The following RAPGEF6 variants were observed in gnomAD, a reference collection of about 807,000 sequenced individuals.
RAPGEF6 encodes Rap guanine nucleotide exchange factor 6, also known as PDZ domain containing guanine nucleotide exchange factor (GEF) 2.
Under a neutral mutation model 171.4 loss-of-function variants are expected in RAPGEF6, and 56 were observed. The observed-to-expected ratio is 0.33, with a 90% confidence interval of 0.26 to 0.41. RAPGEF6 has a LOEUF of 0.41. Among genes scored for constraint, RAPGEF6 ranks in the 10% least tolerant of loss-of-function variants. RAPGEF6 has a pLI of 1.00. For missense variants in RAPGEF6, 1,674 were observed against 1,921.4 expected (o/e 0.87, Z 2.41); for synonymous variants, 692 against 650.1 (o/e 1.06, Z -0.98).
rs115895151 is a variant in RAPGEF6, at chr5:131,603,714, A to G, written c.141-387T>C. Among the ~76,000 whole-genome samples the G allele has an allele frequency of 6.6e-3, 1,009 of 152,238 alleles. 5 individuals carry two copies. Among genetic ancestry groups the G allele is most frequent in the Non-Finnish European group, 0.011 (739 of 67,962 alleles). ...AAAAAAATTGCTGAATATATAAATC[A>G]GTTTGCAATAAAAAATATTTTGAGT... On this transcript the variant is annotated intron_variant, in intron 2 of 27. Coordinates refer to ENST00000509018, the MANE Select transcript of RAPGEF6 (RefSeq NM_016340.6).
intron 4 of RAPGEF6, among the ~76,000 whole-genome samples, chr5:131,591,163 G>A (rs1048940939): frequency 1.1e-4 from 16 of 152,088 alleles, no homozygotes; most frequent in Non-Finnish European, 1.6e-4. Flanking sequence ...TGATATTTAT[G>A]TTAAATAGTT....
intron 6 of RAPGEF6, among the ~76,000 whole-genome samples, chr5:131,526,207 T>C (rs769700887): frequency 3.9e-5 from 6 of 152,216 alleles, no homozygotes; most frequent in Non-Finnish European, 8.8e-5. Flanking sequence ...GAAAACTTCA[T>C]ACAGGAATTC....
chr5:131,427,975 T>C (rs921615821), intron 27 of RAPGEF6, among the ~76,000 whole-genome samples: 1 of 151,874 alleles, frequency 6.6e-6, no homozygotes, highest in African/African-American at 2.4e-5. Flanking sequence ...TGGTGGTGTG[T>C]GCCTGTAGTC....
chr5:131,548,780 ACT>A (rs1172413992), intron 5 of RAPGEF6, among the ~76,000 whole-genome samples: 3 of 152,340 alleles, frequency 2.0e-5, no homozygotes, highest in Non-Finnish European at 4.4e-5. Flanking sequence ...AGCAGGTATT[ACT>A]GTCTCTACTT....
chr5:131,456,296 T>C (rs1753493836), intron 19 of RAPGEF6, among the ~76,000 whole-genome samples: 1 of 152,144 alleles, frequency 6.6e-6, no homozygotes, highest in African/African-American at 2.4e-5. Flanking sequence ...AATATACATT[T>C]AAATTAAAAA....
chr5:131,429,005 C>T lies in RAPGEF6; in HGVS notation c.4677G>A (p.Val1559=), dbSNP rs781653809. 3 of 1,614,022 alleles carry T rather than the reference C, an allele frequency of 1.9e-6. No individual in the cohort carries two copies. The highest frequency in any genetic ancestry group is 3.3e-5 in the Admixed American group (2 of 59,992). Residue 1559 remains valine (V), a synonymous_variant, in exon 27 of 28, where the codon GTG becomes GTA. Transcript: ENST00000509018. ...TTACAATCTTCGATGGAACACAGGC[C>T]ACGAGGTTGCTACTGAGAGAAGCTG... ...LPPASLSSNL[V]ACVPSKIVTQ...
intron 1 of RAPGEF6, among the ~76,000 whole-genome samples, chr5:131,633,549 G>A (rs1434654386): frequency 1.3e-5 from 2 of 151,906 alleles, no homozygotes; most frequent in Non-Finnish European, 2.9e-5. Flanking sequence ...GGGCAATATG[G>A]TGCAACCCCG....
Position 131,479,754 on chromosome 5 carries a change from CTG to C in RAPGEF6, c.1841-3_1841-2del. On this transcript the variant is annotated splice_acceptor_variant and splice_polypyrimidine_tract_variant and intron_variant, in intron 15 of 27. Transcript: ENST00000509018. LOFTEE classifies it high-confidence loss of function. ...GTCCTAAAAAGTAACTCTTTGAACA[CTG>C]TGGAAATAAAACAAATGCGTCATTT... 2 of 1,603,392 alleles carry C rather than the reference CTG, an allele frequency of 1.2e-6. No individual in the cohort carries two copies. The highest frequency in any genetic ancestry group is 1.3e-5 in the African/African-American group (1 of 74,408).
At chr5:131,531,149 G>A (rs962952822) in intron 6 of RAPGEF6, among the ~76,000 whole-genome samples, 3 of 152,104 alleles carry the variant, frequency 2.0e-5, no homozygotes, top group African/African-American at 7.2e-5. Flanking sequence ...AAAACACCAC[G>A]ATGCTATCAT....
chr5:131,442,051 T>C (rs1752417816), intron 23 of RAPGEF6, among the ~76,000 whole-genome samples: 1 of 152,230 alleles, frequency 6.6e-6, no homozygotes, highest in Non-Finnish European at 1.5e-5. Context: ...GTATTGGATA[T>C]TTCATTAAAT....
intron 4 of RAPGEF6, among the ~76,000 whole-genome samples, chr5:131,563,600 G>A (rs1761743079): frequency 6.6e-6 from 1 of 152,152 alleles, no homozygotes; most frequent in South Asian, 2.1e-4. Context: ...ACATCCCTGG[G>A]CTCAGGTGAT....
At position 131,504,045 on chromosome 5, in the gene RAPGEF6, G is replaced by A. The variant is rs78903188; in HGVS notation, c.1254+581C>T. Among the ~76,000 whole-genome samples, 751 of 151,990 alleles carry A rather than the reference G, an allele frequency of 4.9e-3. 31 individuals are homozygous for A. The highest frequency in any genetic ancestry group is 0.038 in the Admixed American group (585 of 15,266). ...GCAGTCTTTGATGAAACTGACTCCC[G>A]CTCTCAGTGGCATACAATATTAAGT... On this transcript the variant is annotated intron_variant, in intron 11 of 27. Coordinates refer to ENST00000509018, the MANE Select transcript of RAPGEF6 (RefSeq NM_016340.6).
At chr5:131,610,204 T>C (rs1273875619) in intron 1 of RAPGEF6, among the ~76,000 whole-genome samples, 2 of 152,208 alleles carry the variant, frequency 1.3e-5, no homozygotes, top group South Asian at 2.1e-4. Flanking sequence ...TTTATCATTA[T>C]TCCCAATGAG....
intron 7 of RAPGEF6, among the ~76,000 whole-genome samples, chr5:131,519,974 C>T (rs1758365588): frequency 6.6e-6 from 1 of 152,114 alleles, no homozygotes; most frequent in East Asian, 1.9e-4. Context: ...GTTCTCTCTA[C>T]TATAAAATGG....
intron 3 of RAPGEF6, among the ~76,000 whole-genome samples, chr5:131,598,032 T>C (rs1365224283): frequency 6.6e-6 from 1 of 152,058 alleles, no homozygotes; most frequent in Non-Finnish European, 1.5e-5. Context: ...TCAACATTGC[T>C]GGAAATGAGA....
intron 21 of RAPGEF6, among the ~76,000 whole-genome samples, chr5:131,448,857 C>T (rs1429175316): frequency 6.6e-6 from 1 of 151,954 alleles, no homozygotes; most frequent in Non-Finnish European, 1.5e-5. Context: ...AATAGTAATG[C>T]CAGGTATCAA....
chr5:131,627,945 C>T (rs892330832), intron 1 of RAPGEF6, among the ~76,000 whole-genome samples: 2 of 152,168 alleles, frequency 1.3e-5, no homozygotes, highest in Admixed American at 6.5e-5. Flanking sequence ...ACAAACTGTG[C>T]CCATGTAAGA....
At chr5:131,572,865 G>A (rs1251120423) in intron 4 of RAPGEF6, among the ~76,000 whole-genome samples, 1 of 151,962 alleles carries the variant, frequency 6.6e-6, no homozygotes, top group Non-Finnish European at 1.5e-5. Flanking sequence ...ATACAAACTC[G>A]ACAATAGTTC....
At chr5:131,609,384 T>C (rs1277083335) in intron 1 of RAPGEF6, among the ~76,000 whole-genome samples, 1 of 151,864 alleles carries the variant, frequency 6.6e-6, no homozygotes, top group Non-Finnish European at 1.5e-5. Context: ...AGGGATAGGG[T>C]AAAGACACAG....
Sources: gnomAD v4.1 joint callset for allele counts (sites outside exome capture counted in the v4.1 genomes callset) on GRCh38, gnomAD v4.1.1 for gene constraint, MANE v1.5 for transcripts, NCBI Gene and HGNC (gene_info 2026-07-23, HGNC 2026-07-21) for gene names.